Variants in RTF2 observed in about 807,000 individuals in gnomAD.
RTF2 encodes UPF0549 protein C20orf43.
RTF2 carries 18 observed loss-of-function variants against 38.0 expected under a neutral mutation model. The ratio of observed to expected loss-of-function variants is 0.47; its 90% confidence interval spans 0.33 to 0.70. RTF2 has a LOEUF of 0.70. Ranked by LOEUF, RTF2 falls within the 30% of genes least tolerant of loss-of-function variation. The pLI, the probability that RTF2 is intolerant of heterozygous loss-of-function variation, is 0.02. For synonymous variants in RTF2, 126 were observed against 137.1 expected, an observed-to-expected ratio of 0.92 and a Z score of 0.57; for missense variants, 311 against 379.6, an observed-to-expected ratio of 0.82 and a Z score of 1.50.
intron 6 of RTF2, chr20:56,515,693 C>T (rs1015517333): frequency 2.6e-5 from 4 of 151,436 alleles, no homozygotes; most frequent in East Asian, 1.9e-4. Flanking sequence ...CACACACACA[C>T]GGAAAAAATG....
chr20:56,499,673 T>C (rs1416125839), intron 5 of RTF2, among the ~76,000 whole-genome samples: 2 of 152,104 alleles, frequency 1.3e-5, no homozygotes, highest in Admixed American at 1.3e-4. Context: ...TGTCATATCT[T>C]CCCCTGTATT....
At chr20:56,492,367 T>C (rs942442760) in intron 5 of RTF2, among the ~76,000 whole-genome samples, 1 of 147,232 alleles carries the variant, frequency 6.8e-6, no homozygotes, top group Non-Finnish European at 1.5e-5. Flanking sequence ...TGTGAGCCAC[T>C]GTGCCTGGCA....
At chr20:56,476,200 C>T (rs1225586304) in intron 3 of RTF2, among the ~76,000 whole-genome samples, 1 of 152,156 alleles carries the variant, frequency 6.6e-6, no homozygotes, top group Admixed American at 6.5e-5. Flanking sequence ...TGCCTTAGCT[C>T]GTTAGACCGT....
At chr20:56,516,062 G>A (rs1447200260) in intron 6 of RTF2, 2 of 152,226 alleles carry the variant, frequency 1.3e-5, no homozygotes, top group Non-Finnish European at 1.5e-5. Context: ...GTGAATGCTT[G>A]CATTGCATGT....
chr20:56,501,261 C>T (rs890729417), intron 5 of RTF2, among the ~76,000 whole-genome samples: 3 of 151,488 alleles, frequency 2.0e-5, no homozygotes, highest in Non-Finnish European at 4.4e-5. Context: ...GCAAACATTT[C>T]CTAGCAATTC....
At chr20:56,496,568 T>G (rs1600815109) in intron 5 of RTF2, 6 of 1,407,956 alleles carry the variant, frequency 4.3e-6, no homozygotes, top group Non-Finnish European at 5.6e-6. Flanking sequence ...AGTCAATCAA[T>G]CAATCAATCA....
At chr20:56,473,020 A>T (rs1231843375) in intron 1 of RTF2, among the ~76,000 whole-genome samples, 1 of 151,914 alleles carries the variant, frequency 6.6e-6, no homozygotes, top group Non-Finnish European at 1.5e-5. Context: ...AGTCCCAGCT[A>T]CTCCAGAGGC....
intron 5 of RTF2, chr20:56,497,652 T>A (rs1300317240): frequency 2.5e-6 from 3 of 1,219,892 alleles, no homozygotes; most frequent in Non-Finnish European, 3.1e-6. Flanking sequence ...ATTTAAGTAT[T>A]TTTTCCTTTA....
At position 56,474,788 on chromosome 20, in the gene RTF2, T is replaced by G; in HGVS notation, c.258+17T>G. Reference sequence around the variant, plus strand: ...AGCATTAAGGTAACACGAGTGATTCTGAAGTGCTGTGAGGGTCTGAACAGT... The same window carrying G: ...AGCATTAAGGTAACACGAGTGATTCGGAAGTGCTGTGAGGGTCTGAACAGT... On this transcript the variant is annotated intron_variant, in intron 3 of 8. Coordinates refer to ENST00000357348, the MANE Select transcript of RTF2 (RefSeq NM_016407.5). 1 of 1,492,538 alleles carries G rather than the reference T, an allele frequency of 6.7e-7. No individual in the cohort carries two copies. Among genetic ancestry groups the G allele is most frequent in the Non-Finnish European group, 9.3e-7 (1 of 1,076,586 alleles). 92.5% of individuals were successfully genotyped at this position (1,492,538 alleles called of 1,614,324 possible). A position where few individuals can be genotyped will look rare whatever the true frequency, so the allele number is the denominator to read the frequency against.
At chr20:56,479,860 C>A (rs888363617) in intron 4 of RTF2, among the ~76,000 whole-genome samples, 5 of 143,496 alleles carry the variant, frequency 3.5e-5, no homozygotes, top group African/African-American at 1.3e-4. Flanking sequence ...CAACGCTGGG[C>A]TTAAAATATT....
At chr20:56,491,610 G>T (rs758359093) in intron 5 of RTF2, 17 of 1,551,734 alleles carry the variant, frequency 1.1e-5, no homozygotes, top group Non-Finnish European at 1.5e-5. Flanking sequence ...TGCCAGTGTG[G>T]CTCTATAGGA....
intron 5 of RTF2, among the ~76,000 whole-genome samples, chr20:56,498,828 A>G (rs1027046585): frequency 6.6e-6 from 1 of 152,186 alleles, no homozygotes; most frequent in South Asian, 2.1e-4. Context: ...CCTGTTTTTC[A>G]GAAGACCATG....
Position 56,517,179 on chromosome 20 carries a change from C to T in RTF2, c.720C>T (p.Thr240=), listed in dbSNP as rs752791267. Residue 240 remains threonine (T), a synonymous_variant, in exon 8 of 9, where the codon ACC becomes ACT. Coordinates refer to ENST00000357348, the MANE Select transcript of RTF2 (RefSeq NM_016407.5). ...EASLDSREKK[T]NLAPKSTAMN... ...GCCTTGATTCTAGAGAGAAGAAAAC[C>T]AACTTGGCTCCCAAAAGCACAGGTG... is the stretch of plus-strand genomic sequence containing the variant. The T allele has an allele frequency of 1.2e-6, 2 of 1,614,010 alleles. No homozygotes were observed. Among genetic ancestry groups the T allele is most frequent in the South Asian group, 1.1e-5 (1 of 91,062 alleles).
chr20:56,473,837 A>G (rs1166039906), intron 2 of RTF2, among the ~76,000 whole-genome samples: 1 of 152,084 alleles, frequency 6.6e-6, no homozygotes, highest in Non-Finnish European at 1.5e-5. Context: ...GTAGTAAGCT[A>G]TAATTCCACC....
chr20:56,504,241 T>C (rs1280235489), intron 5 of RTF2: 5 of 152,180 alleles, frequency 3.3e-5, no homozygotes, highest in Admixed American at 6.6e-5. Flanking sequence ...GACCTGCAGA[T>C]TGAAAAGTTG....
chr20:56,488,889 GGCCTCCCTGCCTCTCAA>G (rs1247805006), intron 5 of RTF2, among the ~76,000 whole-genome samples: 1 of 151,866 alleles, frequency 6.6e-6, no homozygotes, highest in Non-Finnish European at 1.5e-5. Context: ...CCTGCCTCTC[GGCCTCCCTGCCTCTCAA>G]GCCTCCCTGC....
intron 8 of RTF2, 32 bp downstream of exon 8, chr20:56,517,233 T>C: frequency 6.3e-7 from 1 of 1,586,216 alleles, no homozygotes; most frequent in South Asian, 1.1e-5. Context: ...GGGAGCTGTT[T>C]CGAGAAGGCT....
In RTF2 at chr20:56,473,312, T is replaced by A; in HGVS notation, c.81T>A (p.Asp27Glu). 1 of 1,613,224 alleles carries A rather than the reference T, an allele frequency of 6.2e-7. No individual in the cohort carries two copies. Among genetic ancestry groups the A allele is most frequent in the Non-Finnish European group, 8.5e-7 (1 of 1,179,338 alleles). Residue 27 changes from aspartate to glutamate, a missense_variant, in exon 2 of 9, where the codon GAT becomes GAA. Transcript: ENST00000357348. Reference sequence around the variant, plus strand: ...TTGTTTTTTATTAGGTCGACAAAGATGCTGAATTAGTGGCCCAATGGAACT... The same window carrying A: ...TTGTTTTTTATTAGGTCGACAAAGAAGCTGAATTAGTGGCCCAATGGAACT... ...GPKKVEKVDK[D>E]AELVAQWNYC...
At chr20:56,484,339 A>C in intron 5 of RTF2, 150 bp downstream of exon 5, 2 of 677,428 alleles carry the variant, frequency 3.0e-6, no homozygotes, top group East Asian at 5.4e-5. Flanking sequence ...GAAGTGCAGA[A>C]TCCACTGGCC....
Sources: allele counts gnomAD v4.1 joint callset (sites outside exome capture counted in the v4.1 genomes callset), GRCh38; gene constraint gnomAD v4.1.1; transcripts MANE v1.5; gene names NCBI Gene and HGNC (gene_info 2026-07-23, HGNC 2026-07-21).